WARS2: variants seen among roughly 807,000 people sequenced by gnomAD.
WARS2 encodes tryptophan--tRNA ligase, mitochondrial.
WARS2 carries 28 observed loss-of-function variants against 36.5 expected under a neutral mutation model. The ratio of observed to expected loss-of-function variants is 0.77; its 90% confidence interval spans 0.57 to 1.05. The LOEUF (loss-of-function observed/expected upper bound fraction) is 1.05. WARS2 is among the 50% of genes least tolerant of loss of function. The pLI, the probability that WARS2 is intolerant of heterozygous loss-of-function variation, is 0.00. For synonymous variants in WARS2, 174 were observed against 178.4 expected (o/e 0.98, Z 0.20); for missense variants, 435 against 456.8 (o/e 0.95, Z 0.44).
At chr1:119,126,479 AT>A (rs35511707) in intron 1 of WARS2, 205,262 of 340,696 alleles carry the variant, frequency 0.6, 45,514 homozygotes, top group Admixed American at 0.69. Context: ...GGTAGATACT[AT>A]TTTTTTTTTT....
intron 1 of WARS2, among the ~76,000 whole-genome samples, chr1:119,093,136 C>T (rs1299397318): frequency 1.3e-5 from 2 of 151,986 alleles, no homozygotes; most frequent in Admixed American, 6.6e-5. Flanking sequence ...GGCAATTATC[C>T]CCATGAATCA....
At chr1:119,046,227 TTA>T (rs1251657964) in intron 2 of WARS2, among the ~76,000 whole-genome samples, 1 of 151,846 alleles carries the variant, frequency 6.6e-6, no homozygotes, top group African/African-American at 2.4e-5. Flanking sequence ...AAAGGTATTT[TTA>T]TAGTTTCTAC....
At chr1:119,087,461 T>C (rs1051378878) in intron 1 of WARS2, among the ~76,000 whole-genome samples, 2 of 152,190 alleles carry the variant, frequency 1.3e-5, no homozygotes, top group African/African-American at 4.8e-5. Context: ...AACTCAGAAA[T>C]TGGGTTCTTT....
chr1:119,131,524 G>C (rs914546304), intron 1 of WARS2, among the ~76,000 whole-genome samples: 1 of 149,232 alleles, frequency 6.7e-6, no homozygotes, highest in Non-Finnish European at 1.5e-5. Flanking sequence ...GTGCAGTGGC[G>C]CGATCTCGGC....
At chr1:119,083,614 G>A (rs1652378663) in intron 1 of WARS2, among the ~76,000 whole-genome samples, 1 of 152,086 alleles carries the variant, frequency 6.6e-6, no homozygotes, top group Admixed American at 6.5e-5. Context: ...CTCCCCAGCA[G>A]GAAGAAATGA....
At chr1:119,108,048 T>C (rs954722380) in intron 1 of WARS2, among the ~76,000 whole-genome samples, 1 of 152,092 alleles carries the variant, frequency 6.6e-6, no homozygotes, top group African/African-American at 2.4e-5. Context: ...TGGTGTATAA[T>C]TCTTTTTATG....
intron 2 of WARS2, chr1:119,047,485 G>A (rs1005693326): frequency 3.3e-5 from 5 of 152,198 alleles, no homozygotes; most frequent in Admixed American, 6.5e-5. Context: ...CATATGGAAT[G>A]AAACTTACTT....
chr1:119,089,502 T>C (rs1487643043), intron 1 of WARS2, among the ~76,000 whole-genome samples: 3 of 152,216 alleles, frequency 2.0e-5, no homozygotes, highest in Non-Finnish European at 4.4e-5. Context: ...CAGTTACTTA[T>C]GTGGCGTTGA....
chr1:119,085,301 C>T (rs1652546268), intron 1 of WARS2: 2 of 1,145,720 alleles, frequency 1.7e-6, no homozygotes, highest in Non-Finnish European at 2.6e-6. Flanking sequence ...TGGGGAGCTT[C>T]CGCCCCTCCC....
intron 3 of WARS2, among the ~76,000 whole-genome samples, chr1:119,042,873 G>C (rs1279872492): frequency 6.6e-6 from 1 of 152,096 alleles, no homozygotes; most frequent in Non-Finnish European, 1.5e-5. Context: ...AAAAGTAAGT[G>C]AGAGAAATAT....
chr1:119,132,234 T>C (rs1656167780), intron 1 of WARS2, among the ~76,000 whole-genome samples: 1 of 152,184 alleles, frequency 6.6e-6, no homozygotes, highest in Non-Finnish European at 1.5e-5. Flanking sequence ...CATGGTCTAC[T>C]TTCCCCCACT....
chr1:119,038,759 C>T (rs1420132378), intron 4 of WARS2, among the ~76,000 whole-genome samples: 4 of 152,308 alleles, frequency 2.6e-5, no homozygotes, highest in Middle Eastern at 3.4e-3. Context: ...CAGCTCACTG[C>T]GGCCTCCTCC....
intron 4 of WARS2, among the ~76,000 whole-genome samples, chr1:119,040,782 C>T (rs759073541): frequency 6.6e-6 from 1 of 152,120 alleles, no homozygotes; most frequent in Non-Finnish European, 1.5e-5. Flanking sequence ...TAATTATTCC[C>T]GTTTTACAGG....
chr1:119,110,974 T>C (rs1330500706), intron 1 of WARS2, among the ~76,000 whole-genome samples: 2 of 152,204 alleles, frequency 1.3e-5, no homozygotes, highest in Admixed American at 6.5e-5. Flanking sequence ...TTTTGATCTC[T>C]AGCATTTTAA....
intron 1 of WARS2, chr1:119,085,487 T>C: frequency 6.3e-7 from 1 of 1,575,104 alleles, no homozygotes; most frequent in Non-Finnish European, 8.6e-7. Flanking sequence ...TTTTGCGCTT[T>C]TTTGTTGGTT....
At chr1:119,119,652 T>A (rs1344900646) in intron 1 of WARS2, among the ~76,000 whole-genome samples, 1 of 152,110 alleles carries the variant, frequency 6.6e-6, no homozygotes, top group Non-Finnish European at 1.5e-5. Context: ...ATAGACCATA[T>A]GATAGACCAC....
At chr1:119,085,410 GA>G in intron 1 of WARS2, 1 of 1,441,358 alleles carries the variant, frequency 6.9e-7, no homozygotes, top group Non-Finnish European at 9.6e-7. Flanking sequence ...GGGTGACGAA[GA>G]GGATGGTTGC....
intron 5 of WARS2, among the ~76,000 whole-genome samples, chr1:119,033,719 G>C (rs977804068): frequency 6.6e-6 from 1 of 152,184 alleles, no homozygotes; most frequent in Non-Finnish European, 1.5e-5. Context: ...TGTGTTAAAT[G>C]CATTTTTGAT....
At chr1:119,114,743 C>A (rs1373256907) in intron 1 of WARS2, among the ~76,000 whole-genome samples, 2 of 152,162 alleles carry the variant, frequency 1.3e-5, no homozygotes, top group African/African-American at 4.8e-5. Flanking sequence ...GACAAAATAG[C>A]AATTCCCTAC....
Sources: allele counts gnomAD v4.1 joint callset (sites outside exome capture counted in the v4.1 genomes callset), GRCh38; gene constraint gnomAD v4.1.1; transcripts MANE v1.5; gene names NCBI Gene and HGNC (gene_info 2026-07-23, HGNC 2026-07-21).